ARHGAP15: variants seen among roughly 807,000 people sequenced by gnomAD.
ARHGAP15 encodes the protein Rho GTPase activating protein 15.
ARHGAP15 carries 51 observed loss-of-function variants against 63.7 expected under a neutral mutation model. That is an observed-to-expected ratio of 0.80 (90% CI 0.64 to 1.01). ARHGAP15 has a LOEUF of 1.01. Ranked by LOEUF, ARHGAP15 falls within the 50% of genes least tolerant of loss-of-function variation. ARHGAP15 has a pLI of 0.00. For synonymous variants in ARHGAP15, 191 were observed against 193.8 expected (o/e 0.99, Z 0.12); for missense variants, 560 against 564.6 (o/e 0.99, Z 0.08).
chr2:143,740,641 C>T (rs1685927827), intron 13 of ARHGAP15, among the ~76,000 whole-genome samples: 1 of 152,174 alleles, frequency 6.6e-6, no homozygotes, highest in Admixed American at 6.5e-5. Flanking sequence ...ACGAGATCCG[C>T]CAGGTCTGTC....
At chr2:143,214,713 A>G (rs1558818614) in intron 3 of ARHGAP15, among the ~76,000 whole-genome samples, 1 of 152,218 alleles carries the variant, frequency 6.6e-6, no homozygotes, top group South Asian at 2.1e-4. Flanking sequence ...CATTATTATT[A>G]TCTCTATCAT....
intron 6 of ARHGAP15, among the ~76,000 whole-genome samples, chr2:143,270,231 A>T (rs1681206600): frequency 6.6e-6 from 1 of 152,176 alleles, no homozygotes; most frequent in African/African-American, 2.4e-5. Context: ...TCTGCCTCCC[A>T]CATATTCTTA....
At chr2:143,221,120 ACTT>A (rs1000292675) in intron 4 of ARHGAP15, among the ~76,000 whole-genome samples, 12 of 152,278 alleles carry the variant, frequency 7.9e-5, no homozygotes, top group African/African-American at 2.6e-4. Context: ...AGTACCAGGT[ACTT>A]CAATTGTCAC....
chr2:143,578,829 A>G (rs1696778386), intron 11 of ARHGAP15, among the ~76,000 whole-genome samples: 1 of 152,138 alleles, frequency 6.6e-6, no homozygotes, highest in African/African-American at 2.4e-5. Context: ...GTTTGAATCT[A>G]TTTTATTTTG....
intron 2 of ARHGAP15, among the ~76,000 whole-genome samples, chr2:143,165,691 G>A (rs1237585095): frequency 6.6e-6 from 1 of 152,034 alleles, no homozygotes; most frequent in African/African-American, 2.4e-5. Flanking sequence ...GACAAACTGA[G>A]TGTAACTACC....
chr2:143,259,608 G>A (rs974046901), intron 6 of ARHGAP15, among the ~76,000 whole-genome samples: 2 of 152,020 alleles, frequency 1.3e-5, no homozygotes, highest in African/African-American at 2.4e-5. Context: ...TCTCTGATTC[G>A]GTTTGACTGG....
At chr2:143,373,214 A>G (rs2104919665) in intron 6 of ARHGAP15, among the ~76,000 whole-genome samples, 1 of 152,274 alleles carries the variant, frequency 6.6e-6, no homozygotes, top group South Asian at 2.1e-4. Flanking sequence ...TGAAAATATC[A>G]AGGACTAGAG....
chr2:143,346,204 A>ACACTCTCTCT (rs1685275431), intron 6 of ARHGAP15, among the ~76,000 whole-genome samples: 3 of 144,626 alleles, frequency 2.1e-5, no homozygotes, highest in African/African-American at 8.2e-5. Context: ...TCTCTCTCTC[A>ACACTCTCTCT]CACACACACT....
intron 12 of ARHGAP15, among the ~76,000 whole-genome samples, chr2:143,671,213 T>C (rs1254083172): frequency 6.6e-6 from 1 of 152,172 alleles, no homozygotes; most frequent in African/African-American, 2.4e-5. Flanking sequence ...AAATTATTAT[T>C]TTGATTTGGT....
intron 8 of ARHGAP15, among the ~76,000 whole-genome samples, chr2:143,485,057 C>A (rs914453631): frequency 6.6e-6 from 1 of 152,012 alleles, no homozygotes; most frequent in Non-Finnish European, 1.5e-5. Context: ...ACCTATAGTA[C>A]CCATTTTTTA....
intron 12 of ARHGAP15, among the ~76,000 whole-genome samples, chr2:143,701,257 A>G (rs1684077178): frequency 2.0e-5 from 3 of 152,208 alleles, no homozygotes; most frequent in Admixed American, 1.3e-4. Flanking sequence ...CTTTTGCGAC[A>G]ACATATTAAA....
chr2:143,596,119 T>C (rs943478030), intron 11 of ARHGAP15, among the ~76,000 whole-genome samples: 4 of 152,096 alleles, frequency 2.6e-5, no homozygotes, highest in African/African-American at 9.7e-5. Flanking sequence ...ATGTAGATTC[T>C]ACTAGGAATT....
At chr2:143,510,990 T>C (rs1001835745) in intron 9 of ARHGAP15, among the ~76,000 whole-genome samples, 1 of 152,250 alleles carries the variant, frequency 6.6e-6, no homozygotes, top group Non-Finnish European at 1.5e-5. Context: ...GTTGTCCTCA[T>C]AGTTTTGATT....
At chr2:143,152,499 C>T (rs1689865948) in intron 1 of ARHGAP15, among the ~76,000 whole-genome samples, 1 of 151,988 alleles carries the variant, frequency 6.6e-6, no homozygotes, top group South Asian at 2.1e-4. Flanking sequence ...TTGATTGTTT[C>T]TCTATTGCCC....
At chr2:143,138,580 G>A (rs1017178666) in intron 1 of ARHGAP15, among the ~76,000 whole-genome samples, 8 of 152,082 alleles carry the variant, frequency 5.3e-5, no homozygotes, top group Non-Finnish European at 8.8e-5. Flanking sequence ...GGAAGAAAAC[G>A]TTCTTTTGCC....
At chr2:143,276,182 G>A (rs1044188401) in intron 6 of ARHGAP15, among the ~76,000 whole-genome samples, 2 of 152,170 alleles carry the variant, frequency 1.3e-5, no homozygotes, top group South Asian at 4.1e-4. Context: ...CATGAATAAT[G>A]TTTATGAAGA....
chr2:143,692,685 G>C (rs1683663606), intron 12 of ARHGAP15, among the ~76,000 whole-genome samples: 1 of 152,172 alleles, frequency 6.6e-6, no homozygotes, highest in African/African-American at 2.4e-5. Flanking sequence ...AATTTTAGAA[G>C]ACTGCACCAA....
intron 2 of ARHGAP15, among the ~76,000 whole-genome samples, chr2:143,163,613 G>A (rs1489037500): frequency 1.3e-5 from 2 of 151,914 alleles, no homozygotes; most frequent in Non-Finnish European, 2.9e-5. Flanking sequence ...GAAACAAGTA[G>A]ACTTCCAATA....
intron 2 of ARHGAP15, among the ~76,000 whole-genome samples, chr2:143,167,386 T>C (rs945407317): frequency 6.6e-6 from 1 of 152,086 alleles, no homozygotes; most frequent in African/African-American, 2.4e-5. Context: ...GGAGACAAAA[T>C]AGGCTCTACT....
Sources: gnomAD v4.1 joint callset for allele counts (sites outside exome capture counted in the v4.1 genomes callset) on GRCh38, gnomAD v4.1.1 for gene constraint, MANE v1.5 for transcripts, NCBI Gene and HGNC (gene_info 2026-07-23, HGNC 2026-07-21) for gene names.